The following GABRG2 variants were observed in gnomAD, a reference collection of about 807,000 sequenced individuals.
GABRG2 encodes the protein gamma-aminobutyric acid type A receptor subunit gamma2, also known as gamma-aminobutyric acid receptor subunit gamma-2.
Under a neutral mutation model 56.4 loss-of-function variants are expected in GABRG2, and 16 were observed. The observed-to-expected ratio is 0.28, with a 90% CI of 0.19 to 0.43. The LOEUF (loss-of-function observed/expected upper bound fraction) is 0.43, where lower values mean the gene tolerates loss of function less well. Among genes scored for constraint, GABRG2 ranks in the 20% least tolerant of loss-of-function variants. The probability of loss-of-function intolerance (pLI) is 1.00; values close to 1 mark genes in which losing one functional copy is unlikely to be tolerated. For missense variants in GABRG2, 327 were observed against 582.7 expected (o/e 0.56, Z 4.52); for synonymous variants, 208 against 205.5 (o/e 1.01, Z -0.10).
chr5:162,094,555 A>T (rs1239956509), intron 2 of GABRG2: 1 of 157,426 alleles, frequency 6.4e-6, no homozygotes, highest in Non-Finnish European at 1.4e-5. Flanking sequence ...AGTAAGTAGA[A>T]GCTCATGAGG....
chr5:162,078,369 C>CTATATATATATATATATATATA (rs774147866), intron 1 of GABRG2, among the ~76,000 whole-genome samples: 5 of 53,876 alleles, frequency 9.3e-5, no homozygotes, highest in African/African-American at 4.0e-4. Flanking sequence ...GAGCATCTTA[C>CTATATATATATATATATATATA]TATATATATA....
intron 1 of GABRG2, among the ~76,000 whole-genome samples, chr5:162,087,183 T>C (rs978317013): frequency 5.9e-5 from 9 of 152,056 alleles, no homozygotes; most frequent in African/African-American, 2.2e-4. Context: ...TGACATTGAT[T>C]ATTTTTTTCT....
chr5:162,151,902 A>G (rs1765401699), intron 9 of GABRG2, 149 bp downstream of exon 9: 1 of 682,082 alleles, frequency 1.5e-6, no homozygotes, highest in East Asian at 2.7e-5. Context: ...AGACTTCTAG[A>G]GTTGATTCAG....
chr5:162,142,406 A>C, intron 7 of GABRG2, 90 bp downstream of exon 7: 2 of 1,347,758 alleles, frequency 1.5e-6, no homozygotes, highest in Admixed American at 3.4e-5. Context: ...ATCTGCTTTA[A>C]ATTTAGCCTG....
At chr5:162,141,129 C>G (rs554182357) in intron 6 of GABRG2, among the ~76,000 whole-genome samples, 1 of 152,136 alleles carries the variant, frequency 6.6e-6, no homozygotes, top group African/African-American at 2.4e-5. Flanking sequence ...CTCCGCCTCC[C>G]GGGTTCACGC....
At chr5:162,094,116 T>A in intron 2 of GABRG2, 137 bp downstream of exon 2, 1 of 935,376 alleles carries the variant, frequency 1.1e-6, no homozygotes, top group Non-Finnish European at 1.7e-6. Flanking sequence ...AAGTAGTGTT[T>A]AAATAGCATT....
intron 6 of GABRG2, among the ~76,000 whole-genome samples, chr5:162,126,394 T>TA (rs1763342915): frequency 6.6e-6 from 1 of 151,986 alleles, no homozygotes; most frequent in African/African-American, 2.4e-5. Flanking sequence ...CCTATGGAAA[T>TA]CATTGTCCTA....
In GABRG2 at chr5:162,153,629, G is replaced by A. The variant is rs148001179; in HGVS notation, c.*261G>A. 2.6e-3 allele frequency: 1,445 copies of A among 555,610 alleles called. 20 individuals are homozygous for A. The East Asian group carries it at 0.027, about 10-fold the overall frequency. 34.4% of individuals were successfully genotyped at this position (555,610 alleles called of 1,614,324 possible). A position where few individuals can be genotyped will look rare whatever the true frequency, so the allele number is the denominator to read the frequency against. On this transcript the variant is annotated 3_prime_UTR_variant, in exon 10 of 10. Coordinates refer to ENST00000639213, the MANE Select transcript of GABRG2 (RefSeq NM_198904.4). ...GAGCAAGAACATTCAAACCAAATAA[G>A]ATATTTTTCAGCTACAGCAAATAAA...
At chr5:162,120,367 A>G (rs977394050) in intron 6 of GABRG2, among the ~76,000 whole-genome samples, 4 of 152,084 alleles carry the variant, frequency 2.6e-5, no homozygotes, top group South Asian at 2.1e-4. Flanking sequence ...AATATAATAT[A>G]ATAGATCACA....
chr5:162,125,041 T>C (rs1344754161), intron 6 of GABRG2, among the ~76,000 whole-genome samples: 3 of 151,454 alleles, frequency 2.0e-5, no homozygotes, highest in Non-Finnish European at 4.4e-5. Flanking sequence ...GAAAGGTTTC[T>C]CAGCTTAGAT....
intron 1 of GABRG2, among the ~76,000 whole-genome samples, chr5:162,074,339 A>T (rs1758914871): frequency 6.6e-6 from 1 of 152,008 alleles, no homozygotes; most frequent in African/African-American, 2.4e-5. Flanking sequence ...CTCTCCACCC[A>T]TTCATAAAGA....
chr5:162,125,910 T>A (rs1301461781), intron 6 of GABRG2, among the ~76,000 whole-genome samples: 1 of 151,866 alleles, frequency 6.6e-6, no homozygotes, highest in Non-Finnish European at 1.5e-5. Context: ...AAATAAGAGA[T>A]GTTGTTCCAT....
At chr5:162,115,770 T>C (rs956392391) in intron 6 of GABRG2, among the ~76,000 whole-genome samples, 1 of 152,150 alleles carries the variant, frequency 6.6e-6, no homozygotes, top group Non-Finnish European at 1.5e-5. Flanking sequence ...ATCTTAATTG[T>C]ATAAATTGGC....
At chr5:162,083,135 A>C (rs1011553977) in intron 1 of GABRG2, among the ~76,000 whole-genome samples, 1 of 151,838 alleles carries the variant, frequency 6.6e-6, no homozygotes, top group Non-Finnish European at 1.5e-5. Flanking sequence ...TTAATCAACT[A>C]TCTGAAAAAT....
At chr5:162,075,157 C>T (rs1269549933) in intron 1 of GABRG2, among the ~76,000 whole-genome samples, 1 of 152,130 alleles carries the variant, frequency 6.6e-6, no homozygotes, top group East Asian at 1.9e-4. Flanking sequence ...AAGTTCTATT[C>T]CTTCTTAGCA....
intron 1 of GABRG2, among the ~76,000 whole-genome samples, chr5:162,068,791 G>A (rs564051745): frequency 3.3e-5 from 5 of 152,272 alleles, no homozygotes; most frequent in African/African-American, 4.8e-5. Context: ...GAAGGCCAAT[G>A]AAGCCACGGG....
chr5:162,076,093 A>G (rs1028070219), intron 1 of GABRG2, among the ~76,000 whole-genome samples: 1 of 152,142 alleles, frequency 6.6e-6, no homozygotes, highest in Non-Finnish European at 1.5e-5. Flanking sequence ...TCAAGGCTGC[A>G]GTGAGCCATG....
At chr5:162,127,963 C>G (rs1033663689) in intron 6 of GABRG2, among the ~76,000 whole-genome samples, 4 of 152,046 alleles carry the variant, frequency 2.6e-5, no homozygotes, top group African/African-American at 9.6e-5. Context: ...GTCAGGTGCC[C>G]TGTGTGAAGT....
intron 6 of GABRG2, among the ~76,000 whole-genome samples, chr5:162,133,897 T>G (rs1040260200): frequency 2.6e-5 from 4 of 152,162 alleles, no homozygotes; most frequent in Admixed American, 1.3e-4. Context: ...AAATGTCTGC[T>G]TTTGTTGAGG....
Sources: gnomAD v4.1 joint callset for allele counts (sites outside exome capture counted in the v4.1 genomes callset) on GRCh38, gnomAD v4.1.1 for gene constraint, MANE v1.5 for transcripts, NCBI Gene and HGNC (gene_info 2026-07-23, HGNC 2026-07-21) for gene names.